C12orf54: variants seen among roughly 807,000 people sequenced by gnomAD.
C12orf54 encodes uncharacterized protein C12orf54.
In C12orf54, 24 loss-of-function variants were observed where a neutral mutation model predicts 26.4. That is an observed-to-expected ratio of 0.91 (90% CI 0.66 to 1.28). C12orf54 has a LOEUF of 1.28. Among genes scored for constraint, C12orf54 ranks in the 50% most tolerant of loss-of-function variants. The pLI is 0.00. For synonymous variants in C12orf54, 54 were observed against 47.0 expected (o/e 1.15, Z -0.61); for missense variants, 154 against 150.9 (o/e 1.02, Z -0.11).
chr12:48,473,963 T>C, the C12orf54 span, among the ~76,000 whole-genome samples: 1 of 152,182 alleles, frequency 6.6e-6, no homozygotes, highest in East Asian at 1.9e-4. Flanking sequence ...TCTCATCCCT[T>C]TTCCCCCTTC....
the C12orf54 span, among the ~76,000 whole-genome samples, chr12:48,441,694 A>C: frequency 1.3e-5 from 2 of 152,212 alleles, no homozygotes; most frequent in Non-Finnish European, 2.9e-5. Flanking sequence ...AGACAATAAC[A>C]ATGTTTACCA....
chr12:48,438,410 GT>G, the C12orf54 span, among the ~76,000 whole-genome samples: 1 of 152,056 alleles, frequency 6.6e-6, no homozygotes, highest in East Asian at 1.9e-4. Context: ...CTACTTTAAA[GT>G]TCATATGGAA....
the C12orf54 span, among the ~76,000 whole-genome samples, chr12:48,449,826 C>T: frequency 6.7e-6 from 1 of 149,964 alleles, no homozygotes; most frequent in Non-Finnish European, 1.5e-5. Context: ...TCAACTATGT[C>T]CCCACCCAAA....
the C12orf54 span, among the ~76,000 whole-genome samples, chr12:48,436,305 T>C: frequency 2.0e-5 from 3 of 152,230 alleles, no homozygotes. Context: ...CACACAATAA[T>C]AATGGGACAC....
At chr12:48,420,109 G>A in the C12orf54 span, among the ~76,000 whole-genome samples, 391 of 150,794 alleles carry the variant, frequency 2.6e-3, 1 homozygote, top group African/African-American at 8.8e-3. Context: ...TTCTCTTATC[G>A]TTCTAAATAT....
chr12:48,476,776 G>T, the C12orf54 span, among the ~76,000 whole-genome samples: 1 of 152,140 alleles, frequency 6.6e-6, no homozygotes, highest in Non-Finnish European at 1.5e-5. Context: ...AACAGACTTA[G>T]ACTCCCACAC....
the C12orf54 span, among the ~76,000 whole-genome samples, chr12:48,455,302 A>T: frequency 6.6e-6 from 1 of 152,198 alleles, no homozygotes; most frequent in African/African-American, 2.4e-5. Context: ...GCAGCATAGT[A>T]TTCTATGGTG....
the C12orf54 span, among the ~76,000 whole-genome samples, chr12:48,415,844 T>A: frequency 1.3e-5 from 2 of 152,292 alleles, no homozygotes; most frequent in African/African-American, 4.8e-5. Flanking sequence ...TAATACAGAT[T>A]TGGGCATTTT....
the C12orf54 span, among the ~76,000 whole-genome samples, chr12:48,466,304 G>A: frequency 6.6e-6 from 1 of 152,180 alleles, no homozygotes. Flanking sequence ...AACACTTTGG[G>A]AGGCCTACGC....
chr12:48,439,761 T>A, the C12orf54 span, among the ~76,000 whole-genome samples: 2 of 149,706 alleles, frequency 1.3e-5, no homozygotes, highest in Admixed American at 1.3e-4. Context: ...GTGGTGGGAG[T>A]GGGGAGGGAT....
chr12:48,435,225 GAAAC>G, the C12orf54 span, among the ~76,000 whole-genome samples: 6 of 152,140 alleles, frequency 3.9e-5, no homozygotes, highest in African/African-American at 7.2e-5. Context: ...AGAATAAAAA[GAAAC>G]AAACAAAGCC....
chr12:48,477,468 T>C, the C12orf54 span, among the ~76,000 whole-genome samples: 2 of 152,194 alleles, frequency 1.3e-5, no homozygotes, highest in Non-Finnish European at 2.9e-5. Flanking sequence ...GCTGGTTTTT[T>C]GAAGACATCA....
the C12orf54 span, among the ~76,000 whole-genome samples, chr12:48,430,742 T>C: frequency 3.3e-5 from 5 of 152,170 alleles, no homozygotes; most frequent in African/African-American, 1.2e-4. Context: ...AGTGTGGAGA[T>C]TCCTTAAAGA....
chr12:48,474,551 C>A, the C12orf54 span, among the ~76,000 whole-genome samples: 1 of 152,132 alleles, frequency 6.6e-6, no homozygotes, highest in Non-Finnish European at 1.5e-5. Context: ...CCTAGTACTG[C>A]GCTTTTCCAA....
At chr12:48,427,850 C>T in the C12orf54 span, among the ~76,000 whole-genome samples, 1 of 151,990 alleles carries the variant, frequency 6.6e-6, no homozygotes, top group African/African-American at 2.4e-5. Flanking sequence ...ACATTCCATC[C>T]AAGAACCACA....
At chr12:48,450,820 T>C in the C12orf54 span, among the ~76,000 whole-genome samples, 2 of 152,060 alleles carry the variant, frequency 1.3e-5, no homozygotes, top group South Asian at 2.1e-4. Context: ...AGTTCTGAAA[T>C]TGAGGCAGTA....
the C12orf54 span, among the ~76,000 whole-genome samples, chr12:48,425,841 T>A: frequency 8.3e-4 from 127 of 152,244 alleles, no homozygotes; most frequent in African/African-American, 3.0e-3. Flanking sequence ...AATACTGAGC[T>A]TTTTTATATA....
chr12:48,423,034 G>T, the C12orf54 span, among the ~76,000 whole-genome samples: 1 of 152,130 alleles, frequency 6.6e-6, no homozygotes, highest in Non-Finnish European at 1.5e-5. Context: ...CTTCTGTGAA[G>T]AAGGAACAAC....
At chr12:48,471,877 A>G in the C12orf54 span, among the ~76,000 whole-genome samples, 1 of 152,004 alleles carries the variant, frequency 6.6e-6, no homozygotes, top group Non-Finnish European at 1.5e-5. Context: ...TAATTCTGTG[A>G]TGGATGACAT....
Sources: gnomAD v4.1 joint callset for allele counts (sites outside exome capture counted in the v4.1 genomes callset) on GRCh38, gnomAD v4.1.1 for gene constraint, MANE v1.5 for transcripts, NCBI Gene and HGNC (gene_info 2026-07-23, HGNC 2026-07-21) for gene names.